Variants in ZC3H12B observed in about 807,000 individuals in gnomAD.
ZC3H12B encodes the protein zinc finger CCCH-type containing 12B.
ZC3H12B carries 7 observed loss-of-function variants against 43.9 expected under a neutral mutation model. The ratio of observed to expected loss-of-function variants is 0.16; its 90% CI spans 0.09 to 0.30. The LOEUF is 0.30. Among genes scored for constraint, ZC3H12B ranks in the 10% least tolerant of loss-of-function variants. The pLI, the probability that ZC3H12B is intolerant of heterozygous loss-of-function variation, is 1.00. For missense variants in ZC3H12B, 475 were observed against 670.2 expected, an observed-to-expected ratio of 0.71 and a Z score of 3.22; for synonymous variants, 222 against 241.7, an observed-to-expected ratio of 0.92 and a Z score of 0.76.
chrX:65,241,412 A>G, the ZC3H12B span, among the ~76,000 whole-genome samples: 6 of 102,251 alleles, frequency 5.9e-5, no homozygotes, highest in Admixed American at 1.1e-4. Context: ...GGCAGGCTAG[A>G]ACTGCCTAGT....
the ZC3H12B span, among the ~76,000 whole-genome samples, chrX:65,273,204 T>G: frequency 8.9e-6 from 1 of 112,205 alleles, no homozygotes; most frequent in Non-Finnish European, 1.9e-5. Context: ...AAGAAAAGAT[T>G]AAGTGTTTAG....
chrX:65,281,088 C>A, the ZC3H12B span, among the ~76,000 whole-genome samples: 5 of 110,776 alleles, frequency 4.5e-5, no homozygotes, highest in Admixed American at 9.6e-5. Context: ...AAGAATAAAG[C>A]TAAGGTATCA....
chrX:65,128,603 A>G, the ZC3H12B span, among the ~76,000 whole-genome samples: 2 of 111,837 alleles, frequency 1.8e-5, no homozygotes, highest in Non-Finnish European at 3.8e-5. Flanking sequence ...ATTCTTCTAT[A>G]TCCTTATTTT....
chrX:65,469,459 T>C (rs1253396614), intron 3 of ZC3H12B: 4 of 417,053 alleles, frequency 9.6e-6, no homozygotes, highest in African/African-American at 7.4e-5. Context: ...GACTCCATGC[T>C]CTTCGAGCTC....
At chrX:65,214,758 G>T in the ZC3H12B span, among the ~76,000 whole-genome samples, 1 of 111,799 alleles carries the variant, frequency 8.9e-6, no homozygotes, top group African/African-American at 3.2e-5. Context: ...TTGGGATGGT[G>T]ATTTTTTTCC....
At chrX:65,233,414 G>A in the ZC3H12B span, among the ~76,000 whole-genome samples, 1 of 110,380 alleles carries the variant, frequency 9.1e-6, no homozygotes, top group Non-Finnish European at 1.9e-5. Flanking sequence ...TGACTACAAT[G>A]GAATAAAACT....
At chrX:65,241,414 C>T in the ZC3H12B span, among the ~76,000 whole-genome samples, 3 of 100,718 alleles carry the variant, frequency 3.0e-5, no homozygotes, top group African/African-American at 1.1e-4. Context: ...CAGGCTAGAA[C>T]TGCCTAGTTG....
chrX:65,149,273 C>A, the ZC3H12B span, among the ~76,000 whole-genome samples: 2 of 111,946 alleles, frequency 1.8e-5, no homozygotes, highest in African/African-American at 3.2e-5. Flanking sequence ...TGAGCACCAG[C>A]TGGGCTGCAT....
chrX:65,110,372 C>T, the ZC3H12B span, among the ~76,000 whole-genome samples: 3 of 107,691 alleles, frequency 2.8e-5, no homozygotes, highest in East Asian at 2.9e-4. Flanking sequence ...AGCCCTAGAT[C>T]CTATGTATTT....
the ZC3H12B span, among the ~76,000 whole-genome samples, chrX:65,087,031 G>A: frequency 2.7e-5 from 3 of 110,184 alleles, no homozygotes; most frequent in African/African-American, 6.6e-5. Context: ...TGATGCTCTG[G>A]CTGGCCCTCT....
chrX:65,452,010 A>G (rs2067521358), intron 3 of ZC3H12B, among the ~76,000 whole-genome samples: 1 of 111,618 alleles, frequency 9.0e-6, no homozygotes. Flanking sequence ...GCTAGGTTGA[A>G]ATGAGATTTC....
the ZC3H12B span, among the ~76,000 whole-genome samples, chrX:65,209,380 C>T: frequency 1.3e-5 from 1 of 77,382 alleles, no homozygotes; most frequent in Non-Finnish European, 2.4e-5. Flanking sequence ...TATGTGGTGT[C>T]TTTGTTCTCG....
At chrX:65,089,381 G>A in the ZC3H12B span, among the ~76,000 whole-genome samples, 3 of 111,577 alleles carry the variant, frequency 2.7e-5, no homozygotes, top group East Asian at 5.6e-4. Context: ...ACATAGAAAA[G>A]GGACAATAAA....
the ZC3H12B span, among the ~76,000 whole-genome samples, chrX:65,108,131 A>T: frequency 1.8e-5 from 2 of 111,344 alleles, no homozygotes; most frequent in African/African-American, 3.3e-5. Context: ...TATGTCAGTG[A>T]GTGAGTGGCG....
the ZC3H12B span, among the ~76,000 whole-genome samples, chrX:65,349,564 A>C: frequency 1.8e-5 from 2 of 111,829 alleles, no homozygotes; most frequent in Non-Finnish European, 3.8e-5. Context: ...CAAAAAATCA[A>C]TGAATCCAGG....
chrX:65,472,950 A>G (rs1460470830), intron 3 of ZC3H12B, among the ~76,000 whole-genome samples: 1 of 84,643 alleles, frequency 1.2e-5, no homozygotes, highest in African/African-American at 5.8e-5. Flanking sequence ...GTACATATAT[A>G]TATGTTTGTG....
At chrX:65,167,877 A>G in the ZC3H12B span, among the ~76,000 whole-genome samples, 4 of 112,374 alleles carry the variant, frequency 3.6e-5, no homozygotes, top group South Asian at 7.4e-4. Context: ...ATTTTTACAC[A>G]TTAGTTCTGT....
chrX:65,478,015 G>A (rs2068018245), intron 3 of ZC3H12B, among the ~76,000 whole-genome samples: 1 of 110,297 alleles, frequency 9.1e-6, no homozygotes, highest in Non-Finnish European at 1.9e-5. Flanking sequence ...TCTCTCCAGT[G>A]GATTTTTTAT....
chrX:65,312,635 A>C, the ZC3H12B span, among the ~76,000 whole-genome samples: 1 of 111,619 alleles, frequency 9.0e-6, no homozygotes, highest in Non-Finnish European at 1.9e-5. Flanking sequence ...AGGAACAAAA[A>C]TTTATGTCAC....
Sources: gnomAD v4.1 joint callset for allele counts (sites outside exome capture counted in the v4.1 genomes callset) on GRCh38, gnomAD v4.1.1 for gene constraint, MANE v1.5 for transcripts, NCBI Gene and HGNC (gene_info 2026-07-23, HGNC 2026-07-21) for gene names.